The following DOCK9 variants were observed in gnomAD, a reference collection of about 807,000 sequenced individuals.
DOCK9 encodes dedicator of cytokinesis protein 9.
In DOCK9, 89 loss-of-function variants were observed where a neutral mutation model predicts 263.3. The ratio of observed to expected loss-of-function variants is 0.34; its 90% CI spans 0.28 to 0.40. DOCK9 has a LOEUF of 0.40. DOCK9 is among the 10% of genes least tolerant of loss of function. DOCK9 has a pLI of 1.00. For missense variants in DOCK9, 2,140 were observed against 2,603.4 expected, an observed-to-expected ratio of 0.82 and a Z score of 3.87; for synonymous variants, 976 against 973.1, an observed-to-expected ratio of 1.00 and a Z score of -0.06.
intron 43 of DOCK9, among the ~76,000 whole-genome samples, chr13:98,827,904 C>T (rs1284209501): frequency 2.6e-5 from 4 of 152,132 alleles, no homozygotes; most frequent in East Asian, 1.9e-4. Context: ...GGTAGTGTCC[C>T]GCCAAAATTC....
chr13:98,975,472 T>TACATACAC (rs1555436475), intron 1 of DOCK9, among the ~76,000 whole-genome samples: 1 of 142,414 alleles, frequency 7.0e-6, no homozygotes, highest in Non-Finnish European at 1.5e-5. Flanking sequence ...TCTAAACACA[T>TACATACAC]ACACACACAC....
upstream of DOCK9, among the ~76,000 whole-genome samples, chr13:99,086,864 G>A (rs1340226849): frequency 6.6e-6 from 1 of 151,446 alleles, no homozygotes; most frequent in Non-Finnish European, 1.5e-5. Context: ...GGGGGTCGGG[G>A]CCGCCTCCGC....
At position 98,829,002 on chromosome 13, in the gene DOCK9, G is replaced by T. The variant is rs1023939722; in HGVS notation, c.4965+305C>A. On this transcript the variant is annotated intron_variant, in intron 43 of 52. Transcript: ENST00000682017. This position sits in a 1 kb window ranked among gnomAD's most constrained non-coding sequence, Gnocchi z 4.1. ...GAGGAATTCATTTGATCATAAAATA[G>T]CTGAATTTTAGAACTACAGAGGAAT... 1.3e-5 allele frequency among the ~76,000 whole-genome samples: 2 copies of T among 152,302 alleles called. No homozygotes were observed. The highest frequency in any genetic ancestry group is 2.1e-4 in the South Asian group (1 of 4,820).
chr13:99,059,761 A>C (rs1347710445), intron 1 of DOCK9, among the ~76,000 whole-genome samples: 1 of 152,138 alleles, frequency 6.6e-6, no homozygotes, highest in Admixed American at 6.5e-5. Context: ...TCATCATAAC[A>C]ATCTAATTTT....
intron 34 of DOCK9, among the ~76,000 whole-genome samples, chr13:98,853,849 C>T (rs949559811): frequency 6.6e-6 from 1 of 152,156 alleles, no homozygotes; most frequent in African/African-American, 2.4e-5. Flanking sequence ...AAACCTCATG[C>T]AAGAAAGTAT....
chr13:98,850,002 C>G, intron 36 of DOCK9, 45 bp downstream of exon 36: 3 of 1,372,970 alleles, frequency 2.2e-6, no homozygotes, highest in Non-Finnish European at 3.0e-6. Flanking sequence ...TCTTAATGAT[C>G]CAGGAAAAAA....
At chr13:98,824,372 A>G in intron 45 of DOCK9, 26 bp downstream of exon 45, 1 of 1,603,988 alleles carries the variant, frequency 6.2e-7, no homozygotes, top group Non-Finnish European at 8.5e-7. Flanking sequence ...CAGTACCTGA[A>G]AGCCCACATG....
chr13:99,046,806 T>C (rs2040454622), intron 1 of DOCK9, among the ~76,000 whole-genome samples: 1 of 152,250 alleles, frequency 6.6e-6, no homozygotes, highest in Non-Finnish European at 1.5e-5. Flanking sequence ...GACCTCTTAA[T>C]CCTCCTGAAG....
chr13:98,901,056 C>G (rs2048202778), intron 13 of DOCK9, among the ~76,000 whole-genome samples: 1 of 152,172 alleles, frequency 6.6e-6, no homozygotes. Context: ...TTACACTAAC[C>G]AGGTAGCACA....
At chr13:98,828,930 T>C (rs2092652383) in intron 43 of DOCK9, among the ~76,000 whole-genome samples, 1 of 152,148 alleles carries the variant, frequency 6.6e-6, no homozygotes, top group Non-Finnish European at 1.5e-5. Flanking sequence ...GGAAATGGAC[T>C]ACCCTACAGA....
chr13:98,863,603 A>AAAAC (rs886547034), intron 30 of DOCK9, 55 bp from the exon 31 acceptor site: 91 of 1,522,914 alleles, frequency 6.0e-5, no homozygotes, highest in African/African-American at 4.3e-4. Context: ...CTCTTTGAAT[A>AAAAC]AAACAAACAA....
intron 1 of DOCK9, among the ~76,000 whole-genome samples, chr13:98,964,430 C>T (rs1041561710): frequency 1.3e-5 from 2 of 152,114 alleles, no homozygotes; most frequent in African/African-American, 2.4e-5. Flanking sequence ...ACAAGCCAGC[C>T]AGGATTCAGG....
At chr13:99,038,855 C>G (rs1303932896) in intron 1 of DOCK9, among the ~76,000 whole-genome samples, 1 of 152,168 alleles carries the variant, frequency 6.6e-6, no homozygotes, top group Non-Finnish European at 1.5e-5. Context: ...CCTCCTAATT[C>G]CACTATGAGA....
chr13:98,991,000 G>C (rs1350412623), intron 1 of DOCK9, among the ~76,000 whole-genome samples: 1 of 152,104 alleles, frequency 6.6e-6, no homozygotes, highest in East Asian at 1.9e-4. Flanking sequence ...CACAAGGTTT[G>C]GGAAATAAGG....
chr13:98,933,163 A>G (rs1360437059), intron 2 of DOCK9, among the ~76,000 whole-genome samples: 2 of 152,232 alleles, frequency 1.3e-5, no homozygotes, highest in African/African-American at 4.8e-5. Flanking sequence ...GCTCACATCA[A>G]GAAATAGGAC....
intron 15 of DOCK9, among the ~76,000 whole-genome samples, chr13:98,893,507 C>A (rs553166887): frequency 1.3e-5 from 2 of 152,292 alleles, no homozygotes; most frequent in East Asian, 3.9e-4. Flanking sequence ...CGGACAGAAT[C>A]GCTTTCTTAC....
chr13:98,811,298 T>C (rs2091274520), intron 45 of DOCK9, among the ~76,000 whole-genome samples: 1 of 152,232 alleles, frequency 6.6e-6, no homozygotes, highest in Admixed American at 6.5e-5. Flanking sequence ...TTCAAATCTT[T>C]TGCTCATTTT....
intron 1 of DOCK9, chr13:99,015,362 TAAATA>T: frequency 8.3e-7 from 1 of 1,205,380 alleles, no homozygotes; most frequent in Non-Finnish European, 1.1e-6. Context: ...TAAGTACACT[TAAATA>T]AATATATTTG....
At chr13:99,028,127 G>T (rs1886967762) in intron 1 of DOCK9, among the ~76,000 whole-genome samples, 1 of 152,160 alleles carries the variant, frequency 6.6e-6, no homozygotes, top group Admixed American at 6.5e-5. Flanking sequence ...TAGTACAGAG[G>T]TCCTGATTTT....
Sources: gnomAD v4.1 joint callset for allele counts (sites outside exome capture counted in the v4.1 genomes callset) on GRCh38, gnomAD v4.1.1 for gene constraint, Gnocchi (gnomAD v3.1) non-coding constraint, MANE v1.5 for transcripts, NCBI Gene and HGNC (gene_info 2026-07-23, HGNC 2026-07-21) for gene names.